NRG3: variants seen among roughly 807,000 people sequenced by gnomAD.
The protein encoded by NRG3 is neuregulin 3.
NRG3 carries 31 observed loss-of-function variants against 66.9 expected under a neutral mutation model. The ratio of observed to expected loss-of-function variants is 0.46; its 90% CI spans 0.35 to 0.63. NRG3 has a LOEUF of 0.63. NRG3 is among the 20% of genes least tolerant of loss of function. The pLI is 0.00. For synonymous variants in NRG3, 393 were observed against 359.4 expected (o/e 1.09, Z -1.06); for missense variants, 910 against 878.9 (o/e 1.04, Z -0.45).
intron 2 of NRG3, among the ~76,000 whole-genome samples, chr10:82,471,969 A>C (rs2132060782): frequency 6.6e-6 from 1 of 152,300 alleles, no homozygotes; most frequent in South Asian, 2.1e-4. Context: ...CAAATAACCA[A>C]GCATCTACTG....
chr10:82,576,234 A>G (rs890632034), intron 2 of NRG3, among the ~76,000 whole-genome samples: 1 of 151,482 alleles, frequency 6.6e-6, no homozygotes, highest in African/African-American at 2.4e-5. Context: ...TTATATTCCT[A>G]CATTTTAAAT....
intron 1 of NRG3, among the ~76,000 whole-genome samples, chr10:81,992,629 A>G (rs372490874): frequency 1.3e-5 from 2 of 152,136 alleles, no homozygotes; most frequent in East Asian, 1.9e-4. Context: ...TCCTTTTCTA[A>G]CACTGTGGAT....
Position 82,155,204 on chromosome 10 carries a change from C to T in NRG3, c.824-203535C>T, listed in dbSNP as rs761600005. Among the ~76,000 whole-genome samples, 9 of 151,742 alleles carry T rather than the reference C, an allele frequency of 5.9e-5. No individual in the cohort carries two copies. The East Asian group carries it at 9.7e-4, about 16-fold the overall frequency. On this transcript the variant is annotated intron_variant, in intron 1 of 8. Coordinates refer to ENST00000372141, the MANE Select transcript of NRG3 (RefSeq NM_001010848.4). ...ATTAGCTAGTTTCCCAATCAGAGCA[C>T]GTTTTCACCTGTGCTCTTTAAATTG...
chr10:82,716,057 T>G (rs541078464), intron 2 of NRG3, among the ~76,000 whole-genome samples: 2 of 152,300 alleles, frequency 1.3e-5, no homozygotes, highest in South Asian at 4.1e-4. Flanking sequence ...CATATAAACT[T>G]TGGAAGAAGA....
chr10:82,392,489 C>A (rs1421485574), intron 2 of NRG3, among the ~76,000 whole-genome samples: 8 of 151,992 alleles, frequency 5.3e-5, no homozygotes. Context: ...AGGAGTCTGG[C>A]GATAAATTAC....
At chr10:82,117,584 A>G (rs902453592) in intron 1 of NRG3, among the ~76,000 whole-genome samples, 11 of 152,068 alleles carry the variant, frequency 7.2e-5, no homozygotes, top group African/African-American at 2.7e-4. Context: ...CCTGAGACAT[A>G]GTTTTTTTCT....
At chr10:82,521,642 C>G (rs1262024256) in intron 2 of NRG3, among the ~76,000 whole-genome samples, 5 of 152,076 alleles carry the variant, frequency 3.3e-5, no homozygotes, top group Non-Finnish European at 7.4e-5. Context: ...CCCGGCCAGA[C>G]TGTGGAAAAT....
Position 81,875,438 on chromosome 10 carries a change from C to T in NRG3, c.98C>T (p.Ala33Val). 5.1e-6 allele frequency: 6 copies of T among 1,166,890 alleles called. No homozygotes were observed. Among genetic ancestry groups the T allele is most frequent in the Non-Finnish European group, 6.3e-6 (6 of 947,528 alleles). 72.3% of individuals were successfully genotyped at this position (1,166,890 alleles called of 1,614,324 possible). ...EGTAAAAAAA[A>V]AGGGPDGGGE... The stretch of plus-strand genomic sequence containing the variant: ...ACCGCGGCGGCTGCGGCGGCGGCAG[C>T]GGCGGGCGGGGGCCCGGACGGCGGC... The change falls in exon 1 of 9, where the codon GCG becomes GTG. Residue 33 changes from alanine to valine, a missense_variant. Ala to Val is a moderately conservative substitution (Grantham distance 64). Coordinates refer to ENST00000372141, the MANE Select transcript of NRG3 (RefSeq NM_001010848.4). The surrounding 1 kb of genome is among the most constrained non-coding windows in gnomAD (Gnocchi z 5.3).
intron 1 of NRG3, among the ~76,000 whole-genome samples, chr10:81,994,291 C>T (rs11192094): frequency 0.36 from 55,323 of 151,814 alleles, 11,332 homozygotes; most frequent in East Asian, 0.77. Flanking sequence ...CCCTAATGTC[C>T]CTATTTCTGT....
intron 1 of NRG3, among the ~76,000 whole-genome samples, chr10:81,922,315 T>C (rs1846331363): frequency 1.3e-5 from 2 of 152,202 alleles, no homozygotes; most frequent in East Asian, 1.9e-4. Context: ...TTTTGTTACA[T>C]AGATATTTTG....
At chr10:82,417,403 C>T (rs2088661221) in intron 2 of NRG3, among the ~76,000 whole-genome samples, 1 of 152,130 alleles carries the variant, frequency 6.6e-6, no homozygotes, top group Non-Finnish European at 1.5e-5. Context: ...GAAGAAGGAG[C>T]ATAGTGAAAC....
chr10:82,596,066 T>C (rs1045898824), intron 2 of NRG3, among the ~76,000 whole-genome samples: 1 of 152,222 alleles, frequency 6.6e-6, no homozygotes, highest in Non-Finnish European at 1.5e-5. Flanking sequence ...ATTCAAATTA[T>C]ACTTTTAAAT....
chr10:82,378,478 G>A (rs942949764), intron 2 of NRG3, among the ~76,000 whole-genome samples: 2 of 152,136 alleles, frequency 1.3e-5, no homozygotes, highest in Non-Finnish European at 2.9e-5. Context: ...CTTAGGGAAA[G>A]AGTTGATGGA....
chr10:82,742,519 A>G (rs2058468379), intron 3 of NRG3, among the ~76,000 whole-genome samples: 1 of 152,172 alleles, frequency 6.6e-6, no homozygotes, highest in South Asian at 2.1e-4. Context: ...TGTCAGATTA[A>G]TCAAACCCTC....
intron 2 of NRG3, among the ~76,000 whole-genome samples, chr10:82,415,595 A>G (rs1206486590): frequency 6.6e-6 from 1 of 152,124 alleles, no homozygotes; most frequent in African/African-American, 2.4e-5. Context: ...TTGTAGGGAG[A>G]CCATGTTATT....
At chr10:82,245,701 G>A (rs879375490) in intron 1 of NRG3, among the ~76,000 whole-genome samples, 1 of 152,098 alleles carries the variant, frequency 6.6e-6, no homozygotes, top group Admixed American at 6.6e-5. Flanking sequence ...TCAATTAATA[G>A]CAACTGTTAT....
intron 2 of NRG3, among the ~76,000 whole-genome samples, chr10:82,452,617 TA>T (rs1291439074): frequency 1.3e-5 from 2 of 152,164 alleles, no homozygotes. Context: ...CACATTTTTA[TA>T]AAACTGGATC....
At chr10:82,240,035 G>C (rs1402146282) in intron 1 of NRG3, among the ~76,000 whole-genome samples, 1 of 151,698 alleles carries the variant, frequency 6.6e-6, no homozygotes, top group Non-Finnish European at 1.5e-5. Context: ...TTTTGAATCT[G>C]ATCAAAAAAA....
intron 1 of NRG3, among the ~76,000 whole-genome samples, chr10:82,029,303 A>T (rs2132859013): frequency 6.6e-6 from 1 of 152,266 alleles, no homozygotes; most frequent in South Asian, 2.1e-4. Context: ...TCTCTGAAGA[A>T]GTATTCCTTC....
Sources: gnomAD v4.1 joint callset for allele counts (sites outside exome capture counted in the v4.1 genomes callset) on GRCh38, gnomAD v4.1.1 for gene constraint, Gnocchi (gnomAD v3.1) non-coding constraint, MANE v1.5 for transcripts, NCBI Gene and HGNC (gene_info 2026-07-23, HGNC 2026-07-21) for gene names.